Variants in RBBP5 observed in about 807,000 individuals in gnomAD.
The protein encoded by RBBP5 is RB binding protein 5, histone lysine methyltransferase complex subunit, also known as retinoblastoma-binding protein 5.
Under a neutral mutation model 72.2 loss-of-function variants are expected in RBBP5, and 5 were observed. The observed-to-expected ratio is 0.07, with a 90% CI of 0.04 to 0.15. The LOEUF (loss-of-function observed/expected upper bound fraction) is 0.15, where lower values mean the gene tolerates loss of function less well. Among genes scored for constraint, RBBP5 ranks in the 10% least tolerant of loss-of-function variants. The pLI is 1.00. For missense variants in RBBP5, 322 were observed against 652.2 expected, an observed-to-expected ratio of 0.49 and a Z score of 5.51; for synonymous variants, 209 against 237.2, an observed-to-expected ratio of 0.88 and a Z score of 1.09.
intron 3 of RBBP5, among the ~76,000 whole-genome samples, chr1:205,107,056 A>G (rs114230634): frequency 0.32 from 48,134 of 149,734 alleles, 9,034 homozygotes; most frequent in Non-Finnish European, 0.44. Context: ...GTGTATATGT[A>G]TGTGTGTGTG....
intron 2 of RBBP5, among the ~76,000 whole-genome samples, 143 bp downstream of exon 2, chr1:205,115,705 AATTGTACACT>A (rs2102329454): frequency 6.6e-6 from 1 of 152,342 alleles, no homozygotes; most frequent in East Asian, 1.9e-4. Flanking sequence ...CCCTGATCAA[AATTGTACACT>A]AGCTCCTTAT....
intron 13 of RBBP5, 131 bp downstream of exon 13, chr1:205,094,742 T>A: frequency 9.1e-7 from 1 of 1,098,976 alleles, no homozygotes; most frequent in Non-Finnish European, 1.3e-6. Flanking sequence ...CAGCTTAAAA[T>A]TCAGAAATTA....
chr1:205,117,696 C>T (rs1656580516), intron 1 of RBBP5, among the ~76,000 whole-genome samples: 1 of 151,744 alleles, frequency 6.6e-6, no homozygotes, highest in Non-Finnish European at 1.5e-5. Context: ...TAAAAATAAA[C>T]AAATGTATGT....
rs1655193024 is a variant in RBBP5 at position 205,087,774 on chromosome 1, G to A, written c.*1013C>T. 6.6e-6 allele frequency: 1 copy of A among 152,562 alleles called. No homozygotes were observed. The highest frequency in any genetic ancestry group is 2.4e-5 in the African/African-American group (1 of 41,426). 9.5% of individuals were successfully genotyped at this position (152,562 alleles called of 1,614,324 possible). A position where few individuals can be genotyped will look rare whatever the true frequency, so the allele number is the denominator to read the frequency against. On this transcript the variant is annotated 3_prime_UTR_variant, in exon 14 of 14. Coordinates refer to ENST00000264515, the MANE Select transcript of RBBP5 (RefSeq NM_005057.4). ...AAGCAACCTTTCACAGAAAGGAAGT[G>A]ACTGAAAACACAGTAAGAAAAAGGA... is the stretch of plus-strand genomic sequence containing the variant.
At chr1:205,088,930 A>G in intron 13 of RBBP5, 115 bp from the exon 14 acceptor site, 1 of 922,032 alleles carries the variant, frequency 1.1e-6, no homozygotes, top group South Asian at 1.9e-5. Flanking sequence ...GGACCAAGAA[A>G]TTCCCCTTTT....
At chr1:205,105,231 A>C in intron 3 of RBBP5, 63 bp from the exon 4 acceptor site, 1 of 1,550,752 alleles carries the variant, frequency 6.4e-7, no homozygotes, top group Non-Finnish European at 8.8e-7. Context: ...TCTCATGAAT[A>C]AACTGTGTAA....
intron 13 of RBBP5, among the ~76,000 whole-genome samples, chr1:205,089,746 CT>C (rs1655266866): frequency 2.6e-5 from 4 of 152,184 alleles, no homozygotes; most frequent in African/African-American, 9.7e-5. Context: ...CAAATTTAAA[CT>C]TTTCCATAGT....
intron 3 of RBBP5, among the ~76,000 whole-genome samples, chr1:205,106,435 A>T (rs746317175): frequency 2.0e-5 from 3 of 152,126 alleles, no homozygotes; most frequent in Non-Finnish European, 4.4e-5. Flanking sequence ...TTGTCTACTA[A>T]AAATACAAAA....
In RBBP5 at chr1:205,096,580, C is replaced by G. The variant is rs1655627288; in HGVS notation, c.1396+102G>C. On this transcript the variant is annotated intron_variant, in intron 12 of 13. Coordinates refer to ENST00000264515, the MANE Select transcript of RBBP5 (RefSeq NM_005057.4). The stretch of plus-strand genomic sequence containing the variant: ...TATAAAACAGACTCATGGGAAAATT[C>G]CTCTAAGGTGAAATCGCTCAAACAG... 3 of 1,069,402 alleles carry G rather than the reference C, an allele frequency of 2.8e-6. No homozygotes were observed. The Admixed American group carries it at 7.1e-5, about 25-fold the overall frequency. The allele number at this position is 1,069,402 out of a possible 1,614,324, so 66.2% of individuals were successfully genotyped here.
chr1:205,110,260 T>C (rs942395240), intron 3 of RBBP5, among the ~76,000 whole-genome samples: 7 of 152,082 alleles, frequency 4.6e-5, no homozygotes, highest in African/African-American at 1.7e-4. Flanking sequence ...CCTCAAGTGA[T>C]TGGTGAGCCT....
At chr1:205,116,546 C>A (rs1301830555) in intron 1 of RBBP5, among the ~76,000 whole-genome samples, 4 of 152,182 alleles carry the variant, frequency 2.6e-5, no homozygotes, top group Non-Finnish European at 4.4e-5. Flanking sequence ...GAGCCGGGCT[C>A]GGTGGCTCAC....
Position 205,095,060 on chromosome 1 carries a change from G to C in RBBP5, c.1401C>G (p.Val467=), listed in dbSNP as rs1198640380. 1.2e-6 allele frequency: 2 copies of C among 1,613,894 alleles called. No individual in the cohort carries two copies. The highest frequency in any genetic ancestry group is 3.3e-5 in the Admixed American group (2 of 59,986). Reference sequence around the variant, plus strand: ...CCCCCTTCACACCCAGTAGTGGATGGACTTCTGTAGGACAGACAGGCATGG... The same window carrying C: ...CCCCCTTCACACCCAGTAGTGGATGCACTTCTGTAGGACAGACAGGCATGG... The part of the protein sequence containing the change: ...IELQGVPNDE[V]HPLLGVKGDG... Residue 467 remains valine (V), a synonymous_variant, in exon 13 of 14, where the codon GTC becomes GTG. Coordinates refer to ENST00000264515, the MANE Select transcript of RBBP5 (RefSeq NM_005057.4).
At chr1:205,102,343 T>C (rs1362304508) in intron 5 of RBBP5, among the ~76,000 whole-genome samples, 1 of 152,214 alleles carries the variant, frequency 6.6e-6, no homozygotes, top group African/African-American at 2.4e-5. Flanking sequence ...GGAGAAAGAT[T>C]CTGACACATG....
intron 13 of RBBP5, among the ~76,000 whole-genome samples, chr1:205,089,993 A>C (rs1329370608): frequency 6.6e-6 from 1 of 152,092 alleles, no homozygotes; most frequent in Admixed American, 6.6e-5. Flanking sequence ...CTGGGATTAT[A>C]GGCGCCCACC....
At chr1:205,108,169 G>C (rs893783318) in intron 3 of RBBP5, among the ~76,000 whole-genome samples, 1 of 151,840 alleles carries the variant, frequency 6.6e-6, no homozygotes, top group Non-Finnish European at 1.5e-5. Flanking sequence ...CTTGAACTTG[G>C]GAGGCGGAGG....
At chr1:205,102,321 C>A (rs1281104394) in intron 5 of RBBP5, among the ~76,000 whole-genome samples, 2 of 152,018 alleles carry the variant, frequency 1.3e-5, no homozygotes, top group South Asian at 2.1e-4. Context: ...TATTATTGAG[C>A]CTTGAGAAGA....
At chr1:205,090,026 G>C (rs1655281778) in intron 13 of RBBP5, among the ~76,000 whole-genome samples, 1 of 152,010 alleles carries the variant, frequency 6.6e-6, no homozygotes, top group Non-Finnish European at 1.5e-5. Flanking sequence ...TAATTGTTTT[G>C]TATTTTTAAT....
In RBBP5 at chr1:205,097,328, G is replaced by A; in HGVS notation, c.1164C>T (p.Ser388=). The change falls in exon 11 of 14, where the codon AGC becomes AGT. Residue 388 remains serine (S), a splice_region_variant and synonymous_variant. Coordinates refer to ENST00000264515, the MANE Select transcript of RBBP5 (RefSeq NM_005057.4). ...CCCAGCCTTCCGGGCCGGCTCACCT[G>A]CTACAGAAGGCAGCAATAGGGTCCA... ...TSVDPIAAFC[S]SDEELEDSKA... 6.4e-7 allele frequency: 1 copy of A among 1,551,798 alleles called. No individual in the cohort carries two copies. Among genetic ancestry groups the A allele is most frequent in the Non-Finnish European group, 8.7e-7 (1 of 1,146,990 alleles).
intron 6 of RBBP5, 63 bp downstream of exon 6, chr1:205,101,537 C>G: frequency 8.6e-7 from 1 of 1,167,626 alleles, no homozygotes; most frequent in Non-Finnish European, 1.2e-6. Flanking sequence ...CTGCAAATCT[C>G]CATGTATTTT....
Sources: gnomAD v4.1 joint callset for allele counts (sites outside exome capture counted in the v4.1 genomes callset) on GRCh38, gnomAD v4.1.1 for gene constraint, MANE v1.5 for transcripts, NCBI Gene and HGNC (gene_info 2026-07-23, HGNC 2026-07-21) for gene names.